Variants in PPP2R3A observed in about 807,000 individuals in gnomAD.
The protein encoded by PPP2R3A is serine/threonine-protein phosphatase 2A regulatory subunit B'' subunit alpha.
A neutral mutation model predicts 106.9 loss-of-function variants in PPP2R3A; 80 were observed. The observed-to-expected ratio is 0.75, with a 90% CI of 0.62 to 0.90. The LOEUF (loss-of-function observed/expected upper bound fraction) is 0.90, where lower values mean the gene tolerates loss of function less well. PPP2R3A is among the 40% of genes least tolerant of loss of function. PPP2R3A has a pLI of 0.00. For missense variants in PPP2R3A, 1,386 were observed against 1,350.4 expected (o/e 1.03, Z -0.41); for synonymous variants, 483 against 468.3 (o/e 1.03, Z -0.41).
At chr3:136,065,968 T>C (rs1023561259) in intron 5 of PPP2R3A, among the ~76,000 whole-genome samples, 1 of 152,180 alleles carries the variant, frequency 6.6e-6, no homozygotes, top group Admixed American at 6.5e-5. Context: ...TCACTGCACC[T>C]AGCCAGAAGA....
At chr3:136,005,111 T>A (rs997794161) in intron 2 of PPP2R3A, among the ~76,000 whole-genome samples, 1 of 152,162 alleles carries the variant, frequency 6.6e-6, no homozygotes, top group Non-Finnish European at 1.5e-5. Context: ...AGTGGAAAAT[T>A]CTGCACCTGA....
intron 13 of PPP2R3A, among the ~76,000 whole-genome samples, chr3:136,144,533 T>C (rs946057898): frequency 2.4e-4 from 37 of 151,954 alleles, no homozygotes; most frequent in African/African-American, 8.9e-4. Flanking sequence ...TGGTGGCGCA[T>C]GCATGTAGTC....
intron 5 of PPP2R3A, among the ~76,000 whole-genome samples, chr3:136,065,258 C>G (rs555957472): frequency 1.3e-5 from 2 of 152,020 alleles, no homozygotes; most frequent in East Asian, 3.9e-4. Flanking sequence ...TGATAAAGTA[C>G]TAATTATAAT....
chr3:136,030,656 T>C (rs1339194244), intron 3 of PPP2R3A, among the ~76,000 whole-genome samples: 1 of 151,968 alleles, frequency 6.6e-6, no homozygotes, highest in African/African-American at 2.4e-5. Flanking sequence ...TGATGTTTGG[T>C]TTTCCATTCC....
intron 1 of PPP2R3A, among the ~76,000 whole-genome samples, chr3:135,997,344 C>T (rs1409968853): frequency 6.6e-6 from 1 of 152,152 alleles, no homozygotes; most frequent in African/African-American, 2.4e-5. Context: ...GTCCCTTCTT[C>T]AGCCTCCATA....
At chr3:136,116,870 G>A (rs1055462780) in intron 13 of PPP2R3A, among the ~76,000 whole-genome samples, 1 of 152,152 alleles carries the variant, frequency 6.6e-6, no homozygotes, top group Admixed American at 6.5e-5. Context: ...CTTGAACTCA[G>A]CTCTGGACCA....
At chr3:136,031,529 T>G (rs1934891351) in intron 3 of PPP2R3A, among the ~76,000 whole-genome samples, 1 of 152,216 alleles carries the variant, frequency 6.6e-6, no homozygotes, top group African/African-American at 2.4e-5. Context: ...CAATTTATCT[T>G]TGTTTTTGTT....
At chr3:136,121,961 T>C (rs1343649312) in intron 13 of PPP2R3A, among the ~76,000 whole-genome samples, 1 of 152,164 alleles carries the variant, frequency 6.6e-6, no homozygotes, top group African/African-American at 2.4e-5. Context: ...TCTGAAGGTT[T>C]AAAAATATAT....
At chr3:135,988,541 T>C (rs753774535) in intron 1 of PPP2R3A, among the ~76,000 whole-genome samples, 21 of 152,160 alleles carry the variant, frequency 1.4e-4, no homozygotes, top group Non-Finnish European at 3.1e-4. Flanking sequence ...GTCATTTCTC[T>C]GCTTAAAACT....
At chr3:136,053,616 C>A (rs978587871) in intron 5 of PPP2R3A, among the ~76,000 whole-genome samples, 8 of 152,222 alleles carry the variant, frequency 5.3e-5, no homozygotes, top group African/African-American at 1.9e-4. Context: ...GACATTTATT[C>A]ACAAGCATAA....
intron 5 of PPP2R3A, among the ~76,000 whole-genome samples, chr3:136,058,516 A>T (rs1042669928): frequency 3.3e-5 from 5 of 152,240 alleles, no homozygotes; most frequent in African/African-American, 9.6e-5. Flanking sequence ...ATCAGAGATG[A>T]CACAGACAAA....
chr3:136,040,873 T>G lies in PPP2R3A; in HGVS notation c.2277T>G (p.Pro759=). ...MGKIAKVCGC[P]LYWKAPMFRA... ...TCTATTTGCAGGTCTGTGGCTGTCC[T>G]CTCTATTGGAAAGCCCCCATGTTCA... The change falls in exon 4 of 14, where the codon CCT becomes CCG. Residue 759 remains proline (P), a synonymous_variant. Transcript: ENST00000264977. 1.2e-6 allele frequency: 2 copies of G among 1,612,672 alleles called. No homozygotes were observed. Among genetic ancestry groups the G allele is most frequent in the South Asian group, 2.2e-5 (2 of 90,616 alleles).
chr3:136,026,396 G>A (rs1441652773), intron 2 of PPP2R3A, among the ~76,000 whole-genome samples: 1 of 152,052 alleles, frequency 6.6e-6, no homozygotes, highest in African/African-American at 2.4e-5. Flanking sequence ...ATACTTTTCG[G>A]ATATATATAT....
At chr3:136,142,976 A>G (rs1282363283) in intron 13 of PPP2R3A, among the ~76,000 whole-genome samples, 3 of 152,318 alleles carry the variant, frequency 2.0e-5, no homozygotes, top group African/African-American at 7.2e-5. Context: ...GCATTAGCGG[A>G]AAGTTCCTCT....
intron 13 of PPP2R3A, among the ~76,000 whole-genome samples, chr3:136,107,520 A>G (rs1937538084): frequency 6.8e-6 from 1 of 147,700 alleles, no homozygotes; most frequent in African/African-American, 2.5e-5. Flanking sequence ...GCATAGAGAT[A>G]GAGGAAGAGC....
chr3:135,993,744 A>C (rs954621010), intron 1 of PPP2R3A, among the ~76,000 whole-genome samples: 1 of 152,238 alleles, frequency 6.6e-6, no homozygotes, highest in Non-Finnish European at 1.5e-5. Context: ...ATACAGTGGA[A>C]TACTACTCAG....
At chr3:136,104,534 G>A (rs1937466366) in intron 12 of PPP2R3A, among the ~76,000 whole-genome samples, 1 of 152,054 alleles carries the variant, frequency 6.6e-6, no homozygotes, top group East Asian at 1.9e-4. Context: ...TCGAACTCCC[G>A]ACCTTAGGTG....
chr3:136,115,683 G>A (rs1021107441), intron 13 of PPP2R3A, among the ~76,000 whole-genome samples: 1 of 151,378 alleles, frequency 6.6e-6, no homozygotes, highest in African/African-American at 2.4e-5. Context: ...AATAAAACAA[G>A]AAGATTAGAG....
intron 1 of PPP2R3A, among the ~76,000 whole-genome samples, chr3:135,983,830 G>A (rs1481564039): frequency 1.3e-5 from 2 of 152,176 alleles, no homozygotes; most frequent in African/African-American, 2.4e-5. Flanking sequence ...ATTGTTTTAA[G>A]TATACTTACA....
Sources: allele counts gnomAD v4.1 joint callset (sites outside exome capture counted in the v4.1 genomes callset), GRCh38; gene constraint gnomAD v4.1.1; transcripts MANE v1.5; gene names NCBI Gene and HGNC (gene_info 2026-07-23, HGNC 2026-07-21).